ZBTB25: variants seen among roughly 807,000 people sequenced by gnomAD.
The protein encoded by ZBTB25 is zinc finger and BTB domain-containing protein 25.
Under a neutral mutation model 34.2 loss-of-function variants are expected in ZBTB25, and 20 were observed. The observed-to-expected ratio is 0.58, with a 90% CI of 0.41 to 0.85. ZBTB25 has a LOEUF of 0.85. Ranked by LOEUF, ZBTB25 falls within the 40% of genes least tolerant of loss-of-function variation. The probability of loss-of-function intolerance (pLI) is 0.00; values close to 1 mark genes in which losing one functional copy is unlikely to be tolerated. For missense variants in ZBTB25, 437 were observed against 521.8 expected (o/e 0.84, Z 1.58); for synonymous variants, 175 against 186.4 (o/e 0.94, Z 0.50).
intron 1 of ZBTB25, among the ~76,000 whole-genome samples, chr14:64,491,878 A>C (rs2079092061): frequency 6.6e-6 from 1 of 152,150 alleles, no homozygotes; most frequent in African/African-American, 2.4e-5. Context: ...AGCCGTCTAA[A>C]GATTGGCAGT....
At chr14:64,468,728 G>A in intron 2 of ZBTB25, 5 of 1,614,188 alleles carry the variant, frequency 3.1e-6, no homozygotes, top group Non-Finnish European at 4.2e-6. Flanking sequence ...AATAAATGCT[G>A]AGGATGCTGA....
chr14:64,468,930 C>T (rs1596588517), intron 2 of ZBTB25: 7 of 1,614,132 alleles, frequency 4.3e-6, no homozygotes, highest in Non-Finnish European at 4.2e-6. Flanking sequence ...GCTAAGTCAA[C>T]CCAGGATCTA....
intron 2 of ZBTB25, among the ~76,000 whole-genome samples, chr14:64,451,084 G>A (rs150460844): frequency 0.018 from 2,666 of 152,190 alleles, 40 homozygotes; most frequent in Non-Finnish European, 0.022. Context: ...CAGGAGAATC[G>A]CTTGAACCCG....
intron 2 of ZBTB25, chr14:64,468,307 T>A: frequency 8.0e-7 from 1 of 1,250,418 alleles, no homozygotes; most frequent in South Asian, 1.6e-5. Context: ...TTTTACCTAG[T>A]GTGACATTTT....
chr14:64,469,328 A>G (rs2078643558), intron 2 of ZBTB25: 3 of 1,613,800 alleles, frequency 1.9e-6, no homozygotes, highest in Non-Finnish European at 2.5e-6. Context: ...TACTGAATTG[A>G]GCCAAGAATC....
At chr14:64,502,789 T>C in intron 1 of ZBTB25, 1 of 949,292 alleles carries the variant, frequency 1.1e-6, no homozygotes, top group Non-Finnish European at 1.3e-6. Flanking sequence ...TCCAGCTACA[T>C]CACGCTCTTC....
chr14:64,496,033 T>C (rs1187584125), intron 1 of ZBTB25, among the ~76,000 whole-genome samples: 7 of 152,126 alleles, frequency 4.6e-5, no homozygotes, highest in Non-Finnish European at 8.8e-5. Context: ...ATTCAACCAT[T>C]ACCCCCTCCC....
intron 2 of ZBTB25, among the ~76,000 whole-genome samples, chr14:64,456,093 C>CTTGTCACTT (rs1391138494): frequency 1.3e-5 from 2 of 152,204 alleles, no homozygotes; most frequent in Non-Finnish European, 2.9e-5. Context: ...TGTACTCTTT[C>CTTGTCACTT]TTGTCACTTT....
intron 2 of ZBTB25, chr14:64,469,713 T>C: frequency 7.0e-7 from 1 of 1,429,022 alleles, no homozygotes; most frequent in South Asian, 1.4e-5. Flanking sequence ...AAAAACAAGC[T>C]TAATGAAGAA....
chr14:64,504,677 A>C, upstream of ZBTB25: 1 of 354,974 alleles, frequency 2.8e-6, no homozygotes, highest in Non-Finnish European at 5.0e-6. Flanking sequence ...CGGACGCCGC[A>C]GCGAACTGGT....
chr14:64,463,865 G>GT (rs1256682790), intron 2 of ZBTB25, among the ~76,000 whole-genome samples: 1 of 152,146 alleles, frequency 6.6e-6, no homozygotes, highest in Admixed American at 6.6e-5. Context: ...AGGTCTGCTA[G>GT]TTTTGAGAAA....
chr14:64,450,703 T>C (rs2078355756), intron 2 of ZBTB25, among the ~76,000 whole-genome samples: 1 of 152,122 alleles, frequency 6.6e-6, no homozygotes, highest in African/African-American at 2.4e-5. Flanking sequence ...CTGGCTTGAT[T>C]TTTTTGTTTT....
At chr14:64,500,966 G>A (rs574281242) in intron 1 of ZBTB25, among the ~76,000 whole-genome samples, 186 of 152,304 alleles carry the variant, frequency 1.2e-3, no homozygotes, top group Non-Finnish European at 2.2e-3. Flanking sequence ...CCAGAGAATC[G>A]CTTGAATGCA....
intron 2 of ZBTB25, chr14:64,469,061 A>T (rs773080854): frequency 2.2e-5 from 36 of 1,614,040 alleles, no homozygotes; most frequent in Non-Finnish European, 3.1e-5. Context: ...GCATTCTGCT[A>T]TTCAAACGGG....
At chr14:64,488,403 A>G (rs2078957423) in intron 2 of ZBTB25, among the ~76,000 whole-genome samples, 1 of 152,150 alleles carries the variant, frequency 6.6e-6, no homozygotes, top group Non-Finnish European at 1.5e-5. Context: ...TAAGGAATTT[A>G]ACAGTCTATC....
chr14:64,454,789 A>C, intron 2 of ZBTB25: 2 of 1,614,164 alleles, frequency 1.2e-6, no homozygotes, highest in Middle Eastern at 3.3e-4. Flanking sequence ...CCCAGAGCAA[A>C]AAGGTGTCCC....
chr14:64,495,313 G>C (rs922293060), intron 1 of ZBTB25, among the ~76,000 whole-genome samples: 1 of 152,164 alleles, frequency 6.6e-6, no homozygotes, highest in African/African-American at 2.4e-5. Flanking sequence ...TGCTCCTTTA[G>C]CCTTAAGTGT....
intron 2 of ZBTB25, chr14:64,461,387 C>T (rs1488096459): frequency 6.6e-6 from 1 of 152,232 alleles, no homozygotes; most frequent in African/African-American, 2.4e-5. Context: ...GCCTCCACAT[C>T]CTCACCATGG....
At chr14:64,477,883 A>G (rs1185979564), downstream of ZBTB25, among the ~76,000 whole-genome samples, 1 of 152,234 alleles carries the variant, frequency 6.6e-6, no homozygotes, top group Admixed American at 6.5e-5. Context: ...TTAATAACAC[A>G]GACCAGACAA....
Sources: gnomAD v4.1 joint callset for allele counts (sites outside exome capture counted in the v4.1 genomes callset) on GRCh38, gnomAD v4.1.1 for gene constraint, MANE v1.5 for transcripts, NCBI Gene and HGNC (gene_info 2026-07-23, HGNC 2026-07-21) for gene names.